The following CCNB1IP1 variants were observed in gnomAD, a reference collection of about 807,000 sequenced individuals.
CCNB1IP1 encodes the protein cyclin B1 interacting protein 1, also known as E3 ubiquitin-protein ligase CCNB1IP1.
CCNB1IP1 carries 14 observed loss-of-function variants against 25.6 expected under a neutral mutation model. The ratio of observed to expected loss-of-function variants is 0.55; its 90% confidence interval spans 0.36 to 0.85. CCNB1IP1 has a LOEUF of 0.85. CCNB1IP1 is among the 40% of genes least tolerant of loss of function. The pLI, the probability that CCNB1IP1 is intolerant of heterozygous loss-of-function variation, is 0.01. For synonymous variants in CCNB1IP1, 119 were observed against 116.1 expected (o/e 1.02, Z -0.16); for missense variants, 278 against 342.4 (o/e 0.81, Z 1.48).
intron 4 of CCNB1IP1, chr14:20,317,956 T>G (rs1056877272): frequency 6.6e-6 from 1 of 152,030 alleles, no homozygotes; most frequent in Non-Finnish European, 1.5e-5. Context: ...GCTGAGGGAG[T>G]TGCGGGCCGC....
intron 3 of CCNB1IP1, chr14:20,326,394 TC>T: frequency 2.0e-6 from 1 of 500,812 alleles, no homozygotes; most frequent in Non-Finnish European, 4.1e-6. Flanking sequence ...ACAGACTAAA[TC>T]CCAGTATGAA....
At chr14:20,312,626 A>T (rs985532926) in intron 6 of CCNB1IP1, among the ~76,000 whole-genome samples, 1 of 152,060 alleles carries the variant, frequency 6.6e-6, no homozygotes, top group Non-Finnish European at 1.5e-5. Flanking sequence ...GTATGCCAAA[A>T]ACAATTTCCA....
At chr14:20,321,958 A>G (rs1882909416) in intron 4 of CCNB1IP1, among the ~76,000 whole-genome samples, 2 of 152,368 alleles carry the variant, frequency 1.3e-5, no homozygotes, top group African/African-American at 4.8e-5. Flanking sequence ...AGTATACTTT[A>G]GTCAAAACAA....
rs114029999 is a variant in CCNB1IP1, at chr14:20,324,560, T to C, written c.-38+979A>G. 8.1e-3 allele frequency among the ~76,000 whole-genome samples: 1,226 copies of C among 152,268 alleles called. 23 individuals carry two copies. The highest frequency in any genetic ancestry group is 0.028 in the African/African-American group (1,161 of 41,554). The stretch of plus-strand genomic sequence containing the variant: ...GGTAGTACAGAATCTAAGAGAAATA[T>C]ACGCATGGATTCTGATGACAAATAG... On this transcript the variant is annotated intron_variant, in intron 4 of 6. Transcript: ENST00000358932.
intron 4 of CCNB1IP1, among the ~76,000 whole-genome samples, chr14:20,321,912 A>G (rs1225775962): frequency 2.6e-5 from 4 of 152,228 alleles, no homozygotes; most frequent in African/African-American, 7.2e-5. Context: ...TGCATGTTAA[A>G]TATACCATCA....
At chr14:20,324,628 C>T (rs1313762501) in intron 4 of CCNB1IP1, among the ~76,000 whole-genome samples, 1 of 152,120 alleles carries the variant, frequency 6.6e-6, no homozygotes, top group Non-Finnish European at 1.5e-5. Flanking sequence ...TACCCACACC[C>T]TTACTAATTT....
chr14:20,322,867 CCCACCTCAG>C (rs1446753631), intron 4 of CCNB1IP1, among the ~76,000 whole-genome samples: 1 of 152,048 alleles, frequency 6.6e-6, no homozygotes, highest in African/African-American at 2.4e-5. Context: ...AGGTGATCCG[CCCACCTCAG>C]CCTCCTAAAG....
intron 4 of CCNB1IP1, among the ~76,000 whole-genome samples, chr14:20,322,906 AG>A (rs1206584849): frequency 6.6e-6 from 1 of 152,142 alleles, no homozygotes; most frequent in African/African-American, 2.4e-5. Context: ...TATAGGTGTG[AG>A]CCACCGCACC....
chr14:20,313,694 T>A lies in CCNB1IP1; in HGVS notation c.405A>T (p.Glu135Asp). The A allele has an allele frequency of 6.2e-7, 1 of 1,614,184 alleles. No homozygotes were observed. Among genetic ancestry groups the A allele is most frequent in the Non-Finnish European group, 8.5e-7 (1 of 1,180,030 alleles). ...TAACCTCCCCTTTCATAGAGGTCAATTCTACATCCTTGCTTTGTATTTGCT... is the reference window on the plus strand; with the variant it reads ...TAACCTCCCCTTTCATAGAGGTCAAATCTACATCCTTGCTTTGTATTTGCT... ...YTQQIQSKDV[E>D]LTSMKGEVTS... Residue 135 changes from glutamate (E) to aspartate (D), a missense_variant, in exon 6 of 7, where the codon GAA becomes GAT. Coordinates refer to ENST00000358932, the MANE Select transcript of CCNB1IP1 (RefSeq NM_021178.5).
At chr14:20,319,425 G>T (rs1354558889) in intron 4 of CCNB1IP1, among the ~76,000 whole-genome samples, 1 of 152,080 alleles carries the variant, frequency 6.6e-6, no homozygotes, top group Non-Finnish European at 1.5e-5. Context: ...GTGAATTCTG[G>T]TTTTAACTAT....
At chr14:20,315,517 A>T (rs1446623010) in intron 5 of CCNB1IP1, 1 of 1,163,914 alleles carries the variant, frequency 8.6e-7, no homozygotes, top group Non-Finnish European at 1.1e-6. Flanking sequence ...TACTTGACAG[A>T]TGACAAACAT....
chr14:20,329,781 C>T (rs1376798556), intron 1 of CCNB1IP1, among the ~76,000 whole-genome samples: 1 of 152,104 alleles, frequency 6.6e-6, no homozygotes, highest in African/African-American at 2.4e-5. Context: ...ATCATAGCTG[C>T]ACTAATTAAT....
intron 4 of CCNB1IP1, among the ~76,000 whole-genome samples, chr14:20,319,576 A>T (rs143784801): frequency 1.3e-3 from 205 of 152,312 alleles, no homozygotes; most frequent in African/African-American, 4.8e-3. Context: ...CTTCCTGGAG[A>T]TGTATCTAAG....
Position 20,323,826 on chromosome 14 carries a change from G to A in CCNB1IP1, c.-38+1713C>T, listed in dbSNP as rs1265901506. Among the ~76,000 whole-genome samples, 12 of 149,924 alleles carry A rather than the reference G, an allele frequency of 8.0e-5. No homozygotes were observed. In the South Asian group the frequency reaches 2.5e-3, roughly 32 times the overall value. Reference sequence around the variant, plus strand: ...CCAGCTACTCAGGAGGCTGAGGCAGGAGAATGGCGTGAACCTGGGAGGCGG... The same window carrying A: ...CCAGCTACTCAGGAGGCTGAGGCAGAAGAATGGCGTGAACCTGGGAGGCGG... On this transcript the variant is annotated intron_variant, in intron 4 of 6. Transcript: ENST00000358932.
intron 1 of CCNB1IP1, among the ~76,000 whole-genome samples, chr14:20,330,227 T>C (rs1021743498): frequency 6.6e-6 from 1 of 152,116 alleles, no homozygotes; most frequent in Non-Finnish European, 1.5e-5. Flanking sequence ...TGTTCTCACT[T>C]ATAAGTGGGA....
intron 5 of CCNB1IP1, chr14:20,315,363 G>A: frequency 4.6e-6 from 2 of 434,538 alleles, no homozygotes; most frequent in Non-Finnish European, 6.6e-6. Context: ...CACTTTGGAA[G>A]ACAATTTGGC....
chr14:20,322,409 G>A (rs888016488), intron 4 of CCNB1IP1, among the ~76,000 whole-genome samples: 1 of 151,978 alleles, frequency 6.6e-6, no homozygotes, highest in Admixed American at 6.6e-5. Flanking sequence ...TAGGGCAAAA[G>A]AAGGTATCCT....
intron 2 of CCNB1IP1, 28 bp from the exon 3 acceptor site, chr14:20,326,821 T>C: frequency 3.9e-6 from 1 of 257,774 alleles, no homozygotes; most frequent in South Asian, 4.0e-5. Context: ...CATAAATAAA[T>C]TCACAAAGGT....
In CCNB1IP1 at chr14:20,312,090, G is replaced by A. The variant is rs140536937; in HGVS notation, c.632-338C>T. On this transcript the variant is annotated intron_variant, in intron 6 of 6. Transcript: ENST00000358932. The stretch of plus-strand genomic sequence containing the variant: ...TCCTTGGCTTTTACAGGTTTTAAAG[G>A]ACCAAATAACTAAAGGAAAATGCTG... Among the ~76,000 whole-genome samples, 860 of 152,164 alleles carry A rather than the reference G, an allele frequency of 5.7e-3. 5 individuals carry two copies. The highest frequency in any genetic ancestry group is 8.5e-3 in the Non-Finnish European group (579 of 68,006).
Sources: allele counts gnomAD v4.1 joint callset (sites outside exome capture counted in the v4.1 genomes callset), GRCh38; gene constraint gnomAD v4.1.1; transcripts MANE v1.5; gene names NCBI Gene and HGNC (gene_info 2026-07-23, HGNC 2026-07-21).